Variants in NUMB observed in about 807,000 individuals in gnomAD.
The protein encoded by NUMB is NUMB endocytic adaptor protein.
A neutral mutation model predicts 59.7 loss-of-function variants in NUMB; 29 were observed. That is an observed-to-expected ratio of 0.49 (90% CI 0.36 to 0.66). The LOEUF (loss-of-function observed/expected upper bound fraction) is 0.66. Ranked by LOEUF, NUMB falls within the 30% of genes least tolerant of loss-of-function variation. The probability of loss-of-function intolerance (pLI) is 0.00; values close to 1 mark genes in which losing one functional copy is unlikely to be tolerated. For missense variants in NUMB, 723 were observed against 822.0 expected (o/e 0.88, Z 1.47); for synonymous variants, 288 against 288.2 (o/e 1.00, Z 0.01).
intron 1 of NUMB, among the ~76,000 whole-genome samples, chr14:73,419,247 A>G (rs1322472128): frequency 1.3e-5 from 2 of 152,228 alleles, no homozygotes; most frequent in African/African-American, 4.8e-5. Flanking sequence ...GCGGTGGCTC[A>G]CGCCTGTAAT....
At chr14:73,419,051 G>A (rs1349965139) in intron 1 of NUMB, among the ~76,000 whole-genome samples, 2 of 152,196 alleles carry the variant, frequency 1.3e-5, no homozygotes, top group African/African-American at 4.8e-5. Context: ...TTAAAACTTG[G>A]AGCTTCTTTG....
At chr14:73,377,120 C>T (rs927709538) in intron 2 of NUMB, among the ~76,000 whole-genome samples, 1 of 152,108 alleles carries the variant, frequency 6.6e-6, no homozygotes, top group African/African-American at 2.4e-5. Flanking sequence ...AAATGTAAAA[C>T]TATAAAGCTC....
intron 2 of NUMB, among the ~76,000 whole-genome samples, chr14:73,381,424 C>T (rs964512522): frequency 6.6e-6 from 1 of 152,158 alleles, no homozygotes; most frequent in Non-Finnish European, 1.5e-5. Context: ...AGCCCTTGCC[C>T]ATCAGACCAA....
At chr14:73,369,834 G>T (rs949851493) in intron 2 of NUMB, among the ~76,000 whole-genome samples, 2 of 152,112 alleles carry the variant, frequency 1.3e-5, no homozygotes, top group Non-Finnish European at 2.9e-5. Flanking sequence ...ATCAAAAACA[G>T]AACATTAGTA....
chr14:73,282,387 C>A lies in NUMB; in HGVS notation c.1068G>T (p.Val356=). 6.2e-7 allele frequency: 1 copy of A among 1,614,176 alleles called. No homozygotes were observed. The highest frequency in any genetic ancestry group is 8.5e-7 in the Non-Finnish European group (1 of 1,180,032). ...SSAPMTKPVT[V]VAPQSPTFQA... ...GGAAGGTAGGAGATTGTGGTGCCAC[C>A]ACTGTCACTGGTTTGGTCATCGGAG... The change falls in exon 11 of 13, where the codon GTG becomes GTT. Residue 356 remains valine, a synonymous_variant. Coordinates refer to ENST00000555238, the MANE Select transcript of NUMB (RefSeq NM_001005743.2).
chr14:73,316,390 T>G lies in NUMB; in HGVS notation c.234A>C (p.Lys78Asn). The G allele has an allele frequency of 1.2e-6, 2 of 1,613,680 alleles. No homozygotes were observed. Among genetic ancestry groups the G allele is most frequent in the Non-Finnish European group, 1.7e-6 (2 of 1,179,740 alleles). Residue 78 changes from lysine (K) to asparagine (N), a missense_variant and splice_region_variant, in exon 6 of 13, where the codon AAA becomes AAC. Around this residue, in one of 2 missense-constraint regions of NUMB, gnomAD observed 317 missense variants for 436.6 expected, o/e 0.73. Transcript: ENST00000555238. Reference protein sequence around the residue: ...ERKFFKGFFGKTGKKAVKAVL... With the variant: ...ERKFFKGFFGNTGKKAVKAVL... ...AGCATGAATGTGGCATCAAACTTAC[T>G]TTTCCAAAGAAGCCTTTGAAGAACT...
intron 4 of NUMB, among the ~76,000 whole-genome samples, chr14:73,346,465 A>G (rs1004940700): frequency 6.7e-6 from 1 of 149,028 alleles, no homozygotes; most frequent in Non-Finnish European, 1.5e-5. Flanking sequence ...GGGCAACAAG[A>G]GTGAAACTCT....
intron 4 of NUMB, among the ~76,000 whole-genome samples, chr14:73,348,757 G>A (rs1020873810): frequency 9.8e-5 from 15 of 152,286 alleles, no homozygotes; most frequent in Admixed American, 8.5e-4. Flanking sequence ...ATCCCATCTA[G>A]CTGATTTTAT....
At chr14:73,330,987 G>C (rs1891945161) in intron 4 of NUMB, among the ~76,000 whole-genome samples, 1 of 152,150 alleles carries the variant, frequency 6.6e-6, no homozygotes, top group African/African-American at 2.4e-5. Flanking sequence ...AGAACCTGGG[G>C]GTGCTGCTGG....
intron 2 of NUMB, among the ~76,000 whole-genome samples, chr14:73,398,942 C>T (rs1475650069): frequency 6.6e-6 from 1 of 152,104 alleles, no homozygotes; most frequent in Admixed American, 6.6e-5. Context: ...AGGATGTACA[C>T]AGCAGCACTA....
intron 3 of NUMB, among the ~76,000 whole-genome samples, chr14:73,365,086 C>A (rs1194276662): frequency 6.6e-6 from 1 of 152,218 alleles, no homozygotes; most frequent in Non-Finnish European, 1.5e-5. Flanking sequence ...GTCACCCAGG[C>A]TGGAGTGCAG....
intron 6 of NUMB, among the ~76,000 whole-genome samples, chr14:73,306,134 G>A (rs780491035): frequency 6.6e-5 from 10 of 152,186 alleles, no homozygotes; most frequent in Non-Finnish European, 1.2e-4. Flanking sequence ...CTCAGGAAGA[G>A]TACAATAACT....
intron 6 of NUMB, among the ~76,000 whole-genome samples, chr14:73,306,773 T>C (rs918160568): frequency 1.7e-4 from 26 of 152,378 alleles, no homozygotes; most frequent in African/African-American, 6.0e-4. Flanking sequence ...TGTCTTTACC[T>C]ATCTGATTCC....
chr14:73,408,238 A>C (rs200014901), intron 2 of NUMB, among the ~76,000 whole-genome samples: 1 of 61,814 alleles, frequency 1.6e-5, no homozygotes, highest in South Asian at 4.7e-4. Flanking sequence ...AAAAAAAAAA[A>C]GGAAAGAAAA....
At chr14:73,305,007 T>C (rs1164164462) in intron 6 of NUMB, among the ~76,000 whole-genome samples, 1 of 152,164 alleles carries the variant, frequency 6.6e-6, no homozygotes, top group Admixed American at 6.5e-5. Context: ...CCTCAGGTGA[T>C]CCGCCCACCT....
intron 4 of NUMB, among the ~76,000 whole-genome samples, chr14:73,324,569 T>A (rs1320119803): frequency 6.6e-6 from 1 of 152,012 alleles, no homozygotes; most frequent in East Asian, 1.9e-4. Context: ...GGAATTGAGG[T>A]GCTAAAATGG....
At position 73,353,072 on chromosome 14, in the gene NUMB, G is replaced by GTTTTTCTTTTTCTTTTTT. The variant is rs71450219; in HGVS notation, c.126+2553_126+2554insAAAAAAGAAAAAGAAAAA. On this transcript the variant is annotated intron_variant, in intron 4 of 12. Coordinates refer to ENST00000555238, the MANE Select transcript of NUMB (RefSeq NM_001005743.2). ...CTTAATGGATGCCACAGTTTTTCTT[G>GTTTTTCTTTTTCTTTTTT]TTTTTTTTTTTTTTTTTTTTTTTTT... is the stretch of plus-strand genomic sequence containing the variant. Among the ~76,000 whole-genome samples, 2 of 58,514 alleles carry GTTTTTCTTTTTCTTTTTT rather than the reference G, an allele frequency of 3.4e-5. 1 individual carries two copies. The highest frequency in any genetic ancestry group is 6.6e-5 in the Non-Finnish European group (2 of 30,364). The allele number at this position is 58,514 out of a possible 152,430, so 38.4% of individuals were successfully genotyped here.
chr14:73,381,911 AG>A (rs1265438718), intron 2 of NUMB, among the ~76,000 whole-genome samples: 1 of 152,244 alleles, frequency 6.6e-6, no homozygotes, highest in Non-Finnish European at 1.5e-5. Flanking sequence ...TGCAGAGTTA[AG>A]CTTGACATTC....
chr14:73,450,515 C>G (rs1413946523), intron 1 of NUMB, among the ~76,000 whole-genome samples: 1 of 152,180 alleles, frequency 6.6e-6, no homozygotes, highest in Non-Finnish European at 1.5e-5. Flanking sequence ...GGGAGCTAGG[C>G]TGGGCGCAGT....
Sources: allele counts gnomAD v4.1 joint callset (sites outside exome capture counted in the v4.1 genomes callset), GRCh38; gene constraint gnomAD v4.1.1; regional missense constraint gnomAD v4.1.1; transcripts MANE v1.5; gene names NCBI Gene and HGNC (gene_info 2026-07-23, HGNC 2026-07-21).